The following POPDC2 variants were observed in gnomAD, a reference collection of about 807,000 sequenced individuals.
The protein encoded by POPDC2 is popeye domain-containing protein 2.
Under a neutral mutation model 30.5 loss-of-function variants are expected in POPDC2, and 24 were observed. That is an observed-to-expected ratio of 0.79 (90% CI 0.57 to 1.11). The LOEUF (loss-of-function observed/expected upper bound fraction) is 1.11. Among genes scored for constraint, POPDC2 ranks in the 50% least tolerant of loss-of-function variants. POPDC2 has a pLI of 0.00. For missense variants in POPDC2, 409 were observed against 447.0 expected, an observed-to-expected ratio of 0.91 and a Z score of 0.77; for synonymous variants, 185 against 183.3, an observed-to-expected ratio of 1.01 and a Z score of -0.07.
chr3:119,660,037 A>G lies in POPDC2; in HGVS notation c.387T>C (p.Ile129=). 6.2e-7 allele frequency: 1 copy of G among 1,614,212 alleles called. No individual in the cohort carries two copies. Among genetic ancestry groups the G allele is most frequent in the African/African-American group, 1.3e-5 (1 of 75,044 alleles). The change falls in exon 1 of 4, where the codon ATT becomes ATC. Residue 129 remains isoleucine (I), a synonymous_variant. Transcript: ENST00000493094. ...AGACCTGCTCCTCGCAGCAGTGAACAATCTCCTTGTATGTCTGTAGGGGCA... is the reference window on the plus strand; with the variant it reads ...AGACCTGCTCCTCGCAGCAGTGAACGATCTCCTTGTATGTCTGTAGGGGCA... The part of the protein sequence containing the change: ...LQVPLQTYKE[I]VHCCEEQVLT...
intron 1 of POPDC2, among the ~76,000 whole-genome samples, chr3:119,656,550 A>G (rs1048498871): frequency 6.6e-6 from 1 of 152,160 alleles, no homozygotes; most frequent in South Asian, 2.1e-4. Context: ...AAAAGACTGC[A>G]TTCCATGAGA....
intron 2 of POPDC2, among the ~76,000 whole-genome samples, chr3:119,650,437 CAG>C (rs1412272109): frequency 6.6e-6 from 1 of 152,214 alleles, no homozygotes; most frequent in East Asian, 1.9e-4. Context: ...TTGTCCCTAG[CAG>C]TCCACAAAGA....
intron 1 of POPDC2, among the ~76,000 whole-genome samples, chr3:119,655,368 T>C (rs541216500): frequency 1.3e-5 from 2 of 152,324 alleles, no homozygotes; most frequent in African/African-American, 2.4e-5. Flanking sequence ...TAAGTTTACA[T>C]TTACATTAAT....
At position 119,653,953 on chromosome 3, in the gene POPDC2, G is replaced by C. The variant is rs371991125; in HGVS notation, c.600+552C>G. 1.1e-4 allele frequency among the ~76,000 whole-genome samples: 16 copies of C among 152,018 alleles called. No homozygotes were observed. In the East Asian group the frequency reaches 2.5e-3, roughly 24 times the overall value. On this transcript the variant is annotated intron_variant, in intron 2 of 3. Transcript: ENST00000493094. ...CCAGTTAGCATAAGTAAAAGGACTA[G>C]AACAGGCACACAGGAGTGCTAGGCT...
chr3:119,647,243 T>C (rs1206924321), intron 3 of POPDC2, among the ~76,000 whole-genome samples: 1 of 152,196 alleles, frequency 6.6e-6, no homozygotes, highest in Non-Finnish European at 1.5e-5. Flanking sequence ...GCCTTCCAAA[T>C]TGGGAACAAT....
At position 119,648,407 on chromosome 3, in the gene POPDC2, C is replaced by T. The variant is rs775076836; in HGVS notation, c.862G>A (p.Glu288Lys). 9 of 1,614,098 alleles carry T rather than the reference C, an allele frequency of 5.6e-6. No individual in the cohort carries two copies. The highest frequency in any genetic ancestry group is 7.6e-6 in the Non-Finnish European group (9 of 1,180,028). ...AGPESEKGDEEVCEPAVSPPQ... is the reference protein window; with the variant it reads ...AGPESEKGDEKVCEPAVSPPQ... ...GGGGACACAGCTGGCTCACAGACTT[C>T]CTCATCACCCTTCTCGGACTCTGGT... is the stretch of plus-strand genomic sequence containing the variant. The change falls in exon 3 of 4, where the codon GAA becomes AAA. Residue 288 changes from glutamate to lysine, a missense_variant. Transcript: ENST00000493094.
At chr3:119,647,722 G>A (rs1023642120) in intron 3 of POPDC2, among the ~76,000 whole-genome samples, 3 of 152,122 alleles carry the variant, frequency 2.0e-5, no homozygotes, top group Admixed American at 6.5e-5. Context: ...TTTCCAGGAC[G>A]GGCTCTGTAT....
intron 3 of POPDC2, among the ~76,000 whole-genome samples, chr3:119,643,647 A>G (rs1395242990): frequency 6.6e-6 from 1 of 152,184 alleles, no homozygotes. Flanking sequence ...GATGAGGAAC[A>G]TGTTCTTGAT....
At chr3:119,646,826 C>T (rs184933749) in intron 3 of POPDC2, among the ~76,000 whole-genome samples, 1 of 152,204 alleles carries the variant, frequency 6.6e-6, no homozygotes, top group East Asian at 1.9e-4. Context: ...CAAGTTGGAC[C>T]AAGAGGGATC....
intron 3 of POPDC2, chr3:119,643,585 G>C (rs1193856912): frequency 6.2e-6 from 4 of 642,786 alleles, no homozygotes; most frequent in Non-Finnish European, 1.1e-5. Flanking sequence ...TCACAATCAC[G>C]CCTCACAGCA....
upstream of POPDC2, chr3:119,660,751 G>C (rs1360876180): frequency 4.7e-6 from 1 of 213,042 alleles, no homozygotes; most frequent in Non-Finnish European, 9.4e-6. Context: ...CATGTTTCTT[G>C]GGAGTCTTCA....
At chr3:119,643,288 C>G in intron 3 of POPDC2, 2 of 868,458 alleles carry the variant, frequency 2.3e-6, no homozygotes, top group Non-Finnish European at 3.7e-6. Flanking sequence ...TGAAGGAGAG[C>G]AGGCTGACAT....
chr3:119,653,176 C>A (rs1372841127), intron 2 of POPDC2, among the ~76,000 whole-genome samples: 3 of 152,104 alleles, frequency 2.0e-5, no homozygotes, highest in Non-Finnish European at 4.4e-5. Flanking sequence ...AGCTGAAGAC[C>A]CTGGGCAAAT....
At chr3:119,659,881 G>A (rs2052921067) in intron 1 of POPDC2, 52 bp downstream of exon 1, 3 of 1,521,144 alleles carry the variant, frequency 2.0e-6, no homozygotes, top group South Asian at 2.6e-5. Flanking sequence ...ACTAGGAAAT[G>A]AGAAGTGTGG....
intron 3 of POPDC2, 142 bp from the exon 4 acceptor site, chr3:119,642,703 C>T (rs2052703915): frequency 1.7e-6 from 1 of 586,126 alleles, no homozygotes; most frequent in African/African-American, 1.9e-5. Flanking sequence ...ATGATAGGGG[C>T]AGGTGTACCT....
chr3:119,645,228 AG>A (rs1347331250), intron 3 of POPDC2, among the ~76,000 whole-genome samples: 1 of 152,202 alleles, frequency 6.6e-6, no homozygotes, highest in African/African-American at 2.4e-5. Context: ...TTAAGGGTTG[AG>A]GGCTTGGGGA....
intron 1 of POPDC2, among the ~76,000 whole-genome samples, chr3:119,658,745 A>G (rs1201869036): frequency 2.6e-5 from 4 of 152,210 alleles, no homozygotes; most frequent in Non-Finnish European, 5.9e-5. Context: ...AGCTCACTCT[A>G]TCCAGGACCT....
At chr3:119,649,618 G>A (rs1235636613) in intron 2 of POPDC2, among the ~76,000 whole-genome samples, 1 of 152,068 alleles carries the variant, frequency 6.6e-6, no homozygotes, top group Non-Finnish European at 1.5e-5. Flanking sequence ...ATATTTTTGT[G>A]GATGGAGACA....
chr3:119,652,443 G>T (rs1170247841), intron 2 of POPDC2, among the ~76,000 whole-genome samples: 1 of 152,194 alleles, frequency 6.6e-6, no homozygotes, highest in East Asian at 1.9e-4. Flanking sequence ...ACTTTACACA[G>T]CCAATAGCAA....
Sources: allele counts gnomAD v4.1 joint callset (sites outside exome capture counted in the v4.1 genomes callset), GRCh38; gene constraint gnomAD v4.1.1; transcripts MANE v1.5; gene names NCBI Gene and HGNC (gene_info 2026-07-23, HGNC 2026-07-21).